The following FRMD7 variants were observed in gnomAD, a reference collection of about 807,000 sequenced individuals.
FRMD7 encodes FERM domain containing 7.
FRMD7 carries 14 observed loss-of-function variants against 44.1 expected under a neutral mutation model. The observed-to-expected ratio is 0.32, with a 90% CI of 0.21 to 0.50. The LOEUF (loss-of-function observed/expected upper bound fraction) is 0.50, where lower values mean the gene tolerates loss of function less well. Ranked by LOEUF, FRMD7 falls within the 20% of genes least tolerant of loss-of-function variation. The pLI is 0.99. For missense variants in FRMD7, 501 were observed against 522.3 expected (o/e 0.96, Z 0.40); for synonymous variants, 212 against 187.4 (o/e 1.13, Z -1.07).
intron 1 of FRMD7, among the ~76,000 whole-genome samples, chrX:132,120,953 T>G (rs1203303586): frequency 8.9e-6 from 1 of 112,311 alleles, no homozygotes; most frequent in Non-Finnish European, 1.9e-5. Flanking sequence ...TTGGCTAGAT[T>G]GGAACGTTAT....
At chrX:132,097,402 TACACACAC>T (rs762194321) in intron 3 of FRMD7, 58 bp from the exon 4 acceptor site, 17 of 581,157 alleles carry the variant, frequency 2.9e-5, no homozygotes, top group East Asian at 2.0e-4. Flanking sequence ...CAGTTATAGG[TACACACAC>T]ACACACACAC....
intron 1 of FRMD7, among the ~76,000 whole-genome samples, chrX:132,115,632 T>C (rs1424581405): frequency 8.9e-6 from 1 of 112,187 alleles, no homozygotes; most frequent in Non-Finnish European, 1.9e-5. Context: ...ACACTCCCAA[T>C]GCAAGATCTT....
At chrX:132,094,189 A>G in intron 4 of FRMD7, 50 bp from the exon 5 acceptor site, 1 of 767,771 alleles carries the variant, frequency 1.3e-6, no homozygotes, top group Non-Finnish European at 2.0e-6. Flanking sequence ...GAAATAAGAA[A>G]GAAGCATTTT....
chrX:132,118,391 G>A (rs1462340365), intron 1 of FRMD7, among the ~76,000 whole-genome samples: 4 of 109,784 alleles, frequency 3.6e-5, no homozygotes, highest in Non-Finnish European at 7.6e-5. Flanking sequence ...GAGTGAGTAG[G>A]GCAGGATTTT....
intron 9 of FRMD7, among the ~76,000 whole-genome samples, chrX:132,082,001 T>A (rs1927832948): frequency 8.9e-6 from 1 of 112,087 alleles, no homozygotes. Context: ...CAGTGCTTTC[T>A]CATGCTAGCT....
At chrX:132,086,372 C>T (rs1300166458) in intron 5 of FRMD7, among the ~76,000 whole-genome samples, 2 of 111,365 alleles carry the variant, frequency 1.8e-5, no homozygotes, top group Non-Finnish European at 3.8e-5. Flanking sequence ...TTCAATCAGC[C>T]ACTGGTATAG....
chrX:132,079,946 C>T, intron 11 of FRMD7, 60 bp downstream of exon 11: 1 of 772,476 alleles, frequency 1.3e-6, no homozygotes, highest in South Asian at 2.1e-5. Flanking sequence ...TTCATGGAAG[C>T]ATTTGAAATT....
At chrX:132,106,235 A>G (rs1569346511) in intron 1 of FRMD7, among the ~76,000 whole-genome samples, 1 of 112,576 alleles carries the variant, frequency 8.9e-6, no homozygotes. Context: ...GAAGACATAC[A>G]TGCAGCCAAC....
intron 4 of FRMD7, among the ~76,000 whole-genome samples, chrX:132,096,565 A>G (rs1460489852): frequency 1.9e-5 from 2 of 104,176 alleles, no homozygotes; most frequent in African/African-American, 7.2e-5. Context: ...AAAAAAAAAA[A>G]ACCTTAAAAA....
chrX:132,116,932 G>T (rs888074967), intron 1 of FRMD7, among the ~76,000 whole-genome samples: 1 of 112,358 alleles, frequency 8.9e-6, no homozygotes, highest in Admixed American at 9.4e-5. Context: ...GAGTGGTCAA[G>T]TGCATGGGCT....
intron 1 of FRMD7, among the ~76,000 whole-genome samples, chrX:132,109,752 A>T (rs188130804): frequency 5.4e-5 from 6 of 112,043 alleles, no homozygotes; most frequent in African/African-American, 1.6e-4. Flanking sequence ...TTCCTAACAG[A>T]TGGGACATCT....
chrX:132,112,359 A>G (rs964168760), intron 1 of FRMD7, among the ~76,000 whole-genome samples: 4 of 111,283 alleles, frequency 3.6e-5, no homozygotes, highest in African/African-American at 1.3e-4. Flanking sequence ...GTGGAGAGCA[A>G]GGTGCAGTTA....
intron 1 of FRMD7, among the ~76,000 whole-genome samples, chrX:132,105,166 A>C (rs1477196118): frequency 8.9e-6 from 1 of 111,814 alleles, no homozygotes; most frequent in Non-Finnish European, 1.9e-5. Context: ...CAGATTATGG[A>C]TGTGGTTTAT....
chrX:132,112,528 G>A (rs149664075), intron 1 of FRMD7, among the ~76,000 whole-genome samples: 1,356 of 111,808 alleles, frequency 0.012, 14 homozygotes, highest in South Asian at 0.036. Flanking sequence ...TTAGATGCTT[G>A]TGCACGTGTG....
intron 1 of FRMD7, among the ~76,000 whole-genome samples, chrX:132,114,413 T>C (rs1354782085): frequency 9.0e-6 from 1 of 111,552 alleles, no homozygotes; most frequent in Non-Finnish European, 1.9e-5. Flanking sequence ...AGGGGTCCAT[T>C]AAAGAAGTAG....
chrX:132,093,446 C>G (rs763556529), intron 5 of FRMD7, among the ~76,000 whole-genome samples: 2 of 112,513 alleles, frequency 1.8e-5, no homozygotes, highest in South Asian at 3.7e-4. Flanking sequence ...GGCATCACCC[C>G]CTCCCTGGAA....
chrX:132,127,076 A>G lies in FRMD7; in HGVS notation c.57+712T>C, dbSNP rs1206976879. ...AGCAAATAGCATTTTTGGTTCCAAT[A>G]AAAATGTAGAACTTTTCAAAATGCT... On this transcript the variant is annotated intron_variant, in intron 1 of 11. Transcript: ENST00000298542. 2.7e-5 allele frequency among the ~76,000 whole-genome samples: 3 copies of G among 112,538 alleles called. No individual in the cohort carries two copies. The Admixed American group carries it at 2.8e-4, about 11-fold the overall frequency.
chrX:132,127,838 G>A lies in FRMD7; in HGVS notation c.7C>T (p.His3Tyr), dbSNP rs1929193185. Residue 3 changes from histidine to tyrosine, a missense_variant, in exon 1 of 12, where the codon CAT becomes TAT. By Grantham distance (83) the His-to-Tyr change is moderately conservative. Transcript: ENST00000298542. Reference protein sequence around the residue: MLHLKVQFLDDSQ... With the variant: MLYLKVQFLDDSQ... Reference sequence around the variant, plus strand: ...TCATCCAAAAACTGCACTTTTAAATGTAGCATTCTCAGCGAGGCCGTTGGG... The same window carrying A: ...TCATCCAAAAACTGCACTTTTAAATATAGCATTCTCAGCGAGGCCGTTGGG... 8.3e-7 allele frequency: 1 copy of A among 1,206,930 alleles called. No homozygotes were observed. The highest frequency in any genetic ancestry group is 1.8e-5 in the African/African-American group (1 of 57,107).
At chrX:132,116,435 G>C (rs1053769021) in intron 1 of FRMD7, among the ~76,000 whole-genome samples, 1 of 111,754 alleles carries the variant, frequency 8.9e-6, no homozygotes, top group Non-Finnish European at 1.9e-5. Context: ...GTACATGAAA[G>C]CTCTCTCAGA....
Sources: allele counts gnomAD v4.1 joint callset (sites outside exome capture counted in the v4.1 genomes callset), GRCh38; gene constraint gnomAD v4.1.1; transcripts MANE v1.5; gene names NCBI Gene and HGNC (gene_info 2026-07-23, HGNC 2026-07-21).